Variants in SIPA1L1 observed in about 807,000 individuals in gnomAD.
SIPA1L1 encodes signal-induced proliferation-associated 1-like protein 1.
SIPA1L1 carries 26 observed loss-of-function variants against 162.7 expected under a neutral mutation model. The observed-to-expected ratio is 0.16, with a 90% confidence interval of 0.12 to 0.22. The LOEUF (loss-of-function observed/expected upper bound fraction) is 0.22. Ranked by LOEUF, SIPA1L1 falls within the 10% of genes least tolerant of loss-of-function variation. The pLI, the probability that SIPA1L1 is intolerant of heterozygous loss-of-function variation, is 1.00. For missense variants in SIPA1L1, 1,874 were observed against 2,241.0 expected, an observed-to-expected ratio of 0.84 and a Z score of 3.31; for synonymous variants, 829 against 837.4, an observed-to-expected ratio of 0.99 and a Z score of 0.17.
rs1292052221 is a variant in SIPA1L1 at position 71,705,335 on chromosome 14, G to A, written c.3760G>A (p.Gly1254Arg). The change falls in exon 16 of 24, where the codon GGG becomes AGG. Residue 1254 changes from glycine to arginine, a missense_variant. By Grantham distance (125) the Gly-to-Arg change is moderately radical. Transcript: ENST00000381232. Reference protein sequence around the residue: ...PVVHLSPNKQGHSDSHYSSHS... With the variant: ...PVVHLSPNKQRHSDSHYSSHS... ...GGTTCATTTGTCTCCAAACAAACAA[G>A]GGCATGTAAGTTAACTGTAAACTTA... 6.2e-7 allele frequency: 1 copy of A among 1,608,384 alleles called. No homozygotes were observed. The highest frequency in any genetic ancestry group is 8.5e-7 in the Non-Finnish European group (1 of 1,174,790).
At chr14:71,339,777 T>C (rs971235618) in intron 2 of SIPA1L1, among the ~76,000 whole-genome samples, 25 of 152,354 alleles carry the variant, frequency 1.6e-4, no homozygotes, top group Middle Eastern at 3.4e-3. Flanking sequence ...GTAATTAATG[T>C]CAGCTATCAT....
chr14:71,607,701 TC>T (rs1241209663), intron 5 of SIPA1L1, among the ~76,000 whole-genome samples: 1 of 152,192 alleles, frequency 6.6e-6, no homozygotes, highest in Non-Finnish European at 1.5e-5. Flanking sequence ...GGTCCTTGGT[TC>T]TGAGACAGCT....
intron 5 of SIPA1L1, among the ~76,000 whole-genome samples, chr14:71,608,152 A>G (rs1005568088): frequency 1.3e-5 from 2 of 152,328 alleles, no homozygotes; most frequent in African/African-American, 4.8e-5. Context: ...ATTTGCATTC[A>G]AGTCAAGTCT....
intron 5 of SIPA1L1, among the ~76,000 whole-genome samples, chr14:71,597,321 C>T (rs1394520737): frequency 2.0e-5 from 3 of 151,974 alleles, no homozygotes; most frequent in Non-Finnish European, 4.4e-5. Flanking sequence ...TATATAACCT[C>T]CCCTCCCATT....
rs1188851231 is a variant in SIPA1L1, at chr14:71,377,983, GGA to G, written c.-465+56806_-465+56807del. On this transcript the variant is annotated intron_variant, in intron 2 of 23. Transcript: ENST00000381232. This position sits in a 1 kb window ranked among gnomAD's most constrained non-coding sequence, Gnocchi z 4.8. ...GTGGAAAGCAGGAGATGGAGACGAG[GGA>G]GAGGGGGAGACAGTGGAAAGAAGGA... Among the ~76,000 whole-genome samples the G allele has an allele frequency of 1.3e-5, 2 of 152,084 alleles. No homozygotes were observed. The highest frequency in any genetic ancestry group is 2.9e-5 in the Non-Finnish European group (2 of 68,030).
chr14:71,715,429 A>G (rs1048088186), intron 17 of SIPA1L1, among the ~76,000 whole-genome samples: 9 of 152,252 alleles, frequency 5.9e-5, no homozygotes, highest in Non-Finnish European at 1.3e-4. Flanking sequence ...ACTGGCCAGC[A>G]AACTGCATTT....
chr14:71,515,076 T>C (rs2051569690), intron 3 of SIPA1L1, among the ~76,000 whole-genome samples: 1 of 152,242 alleles, frequency 6.6e-6, no homozygotes, highest in Non-Finnish European at 1.5e-5. Context: ...AGTTATGATT[T>C]GAGCCTCTTT....
chr14:71,682,427 A>G (rs1270557839), intron 12 of SIPA1L1, among the ~76,000 whole-genome samples: 1 of 152,204 alleles, frequency 6.6e-6, no homozygotes, highest in African/African-American at 2.4e-5. Context: ...TAAGTAAGAG[A>G]CCAGGAAGCC....
At chr14:71,544,360 A>G (rs1420173575) in intron 4 of SIPA1L1, among the ~76,000 whole-genome samples, 1 of 151,414 alleles carries the variant, frequency 6.6e-6, no homozygotes, top group Admixed American at 6.6e-5. Flanking sequence ...CATGTATCAT[A>G]TGTGTATATA....
At chr14:71,692,999 A>G (rs151170952) in intron 13 of SIPA1L1, among the ~76,000 whole-genome samples, 210 of 152,312 alleles carry the variant, frequency 1.4e-3, no homozygotes, top group Non-Finnish European at 2.5e-3. Flanking sequence ...AGTAGGTCAC[A>G]GCCCCACCTC....
At chr14:71,434,394 T>G (rs1260836172) in intron 2 of SIPA1L1, among the ~76,000 whole-genome samples, 3 of 152,202 alleles carry the variant, frequency 2.0e-5, no homozygotes, top group Non-Finnish European at 4.4e-5. Context: ...GTAATTAGAT[T>G]TTTAAAAAGC....
intron 4 of SIPA1L1, among the ~76,000 whole-genome samples, chr14:71,555,694 T>A (rs1056393735): frequency 3.3e-5 from 5 of 152,214 alleles, no homozygotes; most frequent in African/African-American, 9.6e-5. Flanking sequence ...TGATTTAAAA[T>A]GAGACACCTG....
chr14:71,641,662 G>T (rs1375149108), intron 7 of SIPA1L1, among the ~76,000 whole-genome samples: 1 of 152,208 alleles, frequency 6.6e-6, no homozygotes, highest in East Asian at 1.9e-4. Context: ...GGCGGAGCTT[G>T]CAGTGAGCCG....
intron 10 of SIPA1L1, among the ~76,000 whole-genome samples, chr14:71,666,868 T>TAACAA (rs2044057455): frequency 1.3e-5 from 1 of 78,192 alleles, no homozygotes; most frequent in South Asian, 3.6e-4. Context: ...TTCCTCTCTG[T>TAACAA]AAAAAAAAAA....
chr14:71,355,187 TG>T (rs2037121202), intron 2 of SIPA1L1, among the ~76,000 whole-genome samples: 1 of 152,264 alleles, frequency 6.6e-6, no homozygotes, highest in African/African-American at 2.4e-5. Flanking sequence ...AAGATTCTGT[TG>T]CCACTTTAAG....
At chr14:71,651,977 A>G (rs1319854659) in intron 8 of SIPA1L1, among the ~76,000 whole-genome samples, 3 of 152,192 alleles carry the variant, frequency 2.0e-5, no homozygotes, top group Non-Finnish European at 2.9e-5. Flanking sequence ...ACAGGGAAAG[A>G]TTCTTTTTCA....
chr14:71,526,425 A>C (rs933666410), intron 3 of SIPA1L1, among the ~76,000 whole-genome samples: 2 of 152,228 alleles, frequency 1.3e-5, no homozygotes, highest in Admixed American at 1.3e-4. Flanking sequence ...TGAACTTTAT[A>C]AAACAGAATC....
intron 13 of SIPA1L1, among the ~76,000 whole-genome samples, chr14:71,687,210 T>C (rs1422527778): frequency 6.6e-6 from 1 of 152,222 alleles, no homozygotes; most frequent in Non-Finnish European, 1.5e-5. Flanking sequence ...AGCCTTGCTA[T>C]TTATCTCAAT....
intron 3 of SIPA1L1, among the ~76,000 whole-genome samples, chr14:71,516,921 T>C (rs61989382): frequency 0.21 from 31,470 of 152,016 alleles, 3,479 homozygotes; most frequent in Middle Eastern, 0.38. Context: ...TGCAGTGAGC[T>C]GAGGTTTCAT....
Sources: gnomAD v4.1 joint callset for allele counts (sites outside exome capture counted in the v4.1 genomes callset) on GRCh38, gnomAD v4.1.1 for gene constraint, Gnocchi (gnomAD v3.1) non-coding constraint, MANE v1.5 for transcripts, NCBI Gene and HGNC (gene_info 2026-07-23, HGNC 2026-07-21) for gene names.